Variants in WWC2 observed in about 807,000 individuals in gnomAD.
The protein encoded by WWC2 is WW and C2 domain containing 2.
Under a neutral mutation model 138.5 loss-of-function variants are expected in WWC2, and 101 were observed. That is an observed-to-expected ratio of 0.73 (90% confidence interval 0.62 to 0.86). WWC2 has a LOEUF of 0.86. Ranked by LOEUF, WWC2 falls within the 40% of genes least tolerant of loss-of-function variation. WWC2 has a pLI of 0.00. For missense variants in WWC2, 1,420 were observed against 1,419.4 expected (o/e 1.00, Z -0.01); for synonymous variants, 558 against 538.4 (o/e 1.04, Z -0.50).
intron 1 of WWC2, among the ~76,000 whole-genome samples, chr4:183,104,320 T>A (rs568048627): frequency 6.6e-6 from 1 of 152,338 alleles, no homozygotes; most frequent in South Asian, 2.1e-4. Context: ...GACAGTTTGT[T>A]AAATTAATGA....
intron 4 of WWC2, among the ~76,000 whole-genome samples, chr4:183,218,727 A>G (rs919446975): frequency 1.3e-5 from 2 of 152,190 alleles, no homozygotes; most frequent in Non-Finnish European, 2.9e-5. Flanking sequence ...GAAAGCTGGC[A>G]GTGCAGATGA....
intron 12 of WWC2, 75 bp from the exon 13 acceptor site, chr4:183,265,613 C>CT: frequency 4.2e-6 from 6 of 1,436,784 alleles, no homozygotes; most frequent in African/African-American, 1.4e-5. Context: ...TTCAGAATCA[C>CT]TAAGTGGCAA....
At chr4:183,198,711 C>T (rs1344203145) in intron 2 of WWC2, among the ~76,000 whole-genome samples, 5 of 134,182 alleles carry the variant, frequency 3.7e-5, no homozygotes. Context: ...CCCAGCTACT[C>T]AGGAGGGTGA....
At position 183,261,009 on chromosome 4, in the gene WWC2, C is replaced by T. The variant is rs377336951; in HGVS notation, c.1386C>T (p.Asn462=). The change falls in exon 11 of 23, where the codon AAC becomes AAT. Residue 462 remains asparagine (N), a synonymous_variant. Transcript: ENST00000403733. Reference sequence around the variant, plus strand: ...ACACCTCCAGCAGAGGGTCACTCAACTCCCTCAGTTCCACCGAACTCTATT... The same window carrying T: ...ACACCTCCAGCAGAGGGTCACTCAATTCCCTCAGTTCCACCGAACTCTATT... ...SLNTSSRGSL[N]SLSSTELYYS... is the part of the protein sequence containing the mutation. The T allele has an allele frequency of 3.2e-5, 52 of 1,613,906 alleles. No individual in the cohort carries two copies. In the African/African-American group the frequency reaches 6.1e-4, roughly 19 times the overall value.
At chr4:183,239,002 G>A (rs772014963) in intron 4 of WWC2, among the ~76,000 whole-genome samples, 3 of 152,100 alleles carry the variant, frequency 2.0e-5, no homozygotes, top group African/African-American at 4.8e-5. Flanking sequence ...AAAATATTGC[G>A]CAACAGAATG....
Position 183,155,189 on chromosome 4 carries a change from G to GGGGAGAGAGAGAGAGAGAGA in WWC2, c.132-38409_132-38408insGGAGAGAGAGAGAGAGAGAG, listed in dbSNP as rs1554067851. The stretch of plus-strand genomic sequence containing the variant: ...AAGTTCTAATGACTTCATCTTCTGA[G>GGGGAGAGAGAGAGAGAGAGA]GAGAGAGAGAGAGAGAGAGAGAGAG... On this transcript the variant is annotated intron_variant, in intron 1 of 22. Transcript: ENST00000403733. Among the ~76,000 whole-genome samples the GGGGAGAGAGAGAGAGAGAGA allele has an allele frequency of 5.0e-4, 52 of 103,712 alleles. 1 individual carries two copies. The highest frequency in any genetic ancestry group is 1.5e-3 in the African/African-American group (44 of 29,184). The allele number at this position is 103,712 out of a possible 152,430, so 68.0% of individuals were successfully genotyped here.
intron 6 of WWC2, among the ~76,000 whole-genome samples, chr4:183,247,541 T>C (rs980829099): frequency 2.3e-4 from 32 of 139,706 alleles, no homozygotes; most frequent in Admixed American, 2.2e-4. Flanking sequence ...CTATATATAC[T>C]ATATATATAC....
intron 4 of WWC2, among the ~76,000 whole-genome samples, chr4:183,222,323 A>G (rs1294404454): frequency 1.3e-5 from 2 of 152,000 alleles, no homozygotes; most frequent in Non-Finnish European, 2.9e-5. Context: ...ATTAGAACTA[A>G]TAAATAGAAT....
intron 22 of WWC2, among the ~76,000 whole-genome samples, chr4:183,314,342 C>T (rs189705217): frequency 6.3e-4 from 96 of 152,316 alleles, no homozygotes; most frequent in African/African-American, 2.2e-3. Context: ...ACACAACTCG[C>T]AGTTGTTGCC....
At chr4:183,279,089 C>T (rs1196005870) in intron 16 of WWC2, among the ~76,000 whole-genome samples, 1 of 152,070 alleles carries the variant, frequency 6.6e-6, no homozygotes, top group Non-Finnish European at 1.5e-5. Flanking sequence ...AGTTCTTGCC[C>T]ATTCAGTATG....
intron 5 of WWC2, among the ~76,000 whole-genome samples, chr4:183,243,451 G>T (rs942630437): frequency 2.6e-5 from 4 of 152,174 alleles, no homozygotes; most frequent in African/African-American, 9.7e-5. Flanking sequence ...CCTCAGCCAA[G>T]TTGGTGGATA....
chr4:183,301,008 T>G (rs1445912995), intron 21 of WWC2, among the ~76,000 whole-genome samples: 1 of 152,196 alleles, frequency 6.6e-6, no homozygotes, highest in Non-Finnish European at 1.5e-5. Flanking sequence ...TTCTTACCTA[T>G]GCATGATTCA....
chr4:183,240,506 G>GA, intron 5 of WWC2: 1 of 373,620 alleles, frequency 2.7e-6, no homozygotes, highest in Non-Finnish European at 4.7e-6. Flanking sequence ...AAACCAAAGT[G>GA]AAAAGCCTTT....
chr4:183,286,769 C>A (rs1738267713), intron 20 of WWC2, among the ~76,000 whole-genome samples: 1 of 152,154 alleles, frequency 6.6e-6, no homozygotes, highest in Non-Finnish European at 1.5e-5. Flanking sequence ...GGCGAACTCA[C>A]ACCCTCAGGA....
intron 1 of WWC2, among the ~76,000 whole-genome samples, chr4:183,155,189 GGAGAGAGA>G (rs770609371): frequency 2.6e-4 from 27 of 103,732 alleles, no homozygotes; most frequent in Admixed American, 1.6e-3. Flanking sequence ...CATCTTCTGA[GGAGAGAGA>G]GAGAGAGAGA....
In WWC2 at chr4:183,147,469, C is replaced by T. The variant is rs1733494186; in HGVS notation, c.132-46130C>T. Among the ~76,000 whole-genome samples the T allele has an allele frequency of 2.6e-5, 4 of 152,168 alleles. No homozygotes were observed. In the South Asian group the frequency reaches 8.3e-4, roughly 32 times the overall value. On this transcript the variant is annotated intron_variant, in intron 1 of 22. Coordinates refer to ENST00000403733, the MANE Select transcript of WWC2 (RefSeq NM_024949.6). ...CAGTGGAGGGAGACTTCCCTTCAGT[C>T]ATGGGTGAGAAGCACTCAGATCACT... is the stretch of plus-strand genomic sequence containing the variant.
intron 17 of WWC2, chr4:183,281,289 G>A (rs1199383367): frequency 1.7e-5 from 4 of 236,440 alleles, no homozygotes; most frequent in Non-Finnish European, 2.4e-5. Context: ...GACAAAGCAG[G>A]TATTTAAAAA....
At chr4:183,224,656 G>A (rs954949855) in intron 4 of WWC2, among the ~76,000 whole-genome samples, 3 of 152,146 alleles carry the variant, frequency 2.0e-5, no homozygotes, top group African/African-American at 7.2e-5. Flanking sequence ...TACCTCCTGG[G>A]CTCAAGTGAT....
At chr4:183,272,915 G>C (rs1195884328) in intron 16 of WWC2, among the ~76,000 whole-genome samples, 1 of 152,152 alleles carries the variant, frequency 6.6e-6, no homozygotes, top group Non-Finnish European at 1.5e-5. Context: ...ATGAACATTT[G>C]TATACAAGTG....
Sources: gnomAD v4.1 joint callset for allele counts (sites outside exome capture counted in the v4.1 genomes callset) on GRCh38, gnomAD v4.1.1 for gene constraint, MANE v1.5 for transcripts, NCBI Gene and HGNC (gene_info 2026-07-23, HGNC 2026-07-21) for gene names.